Variants in NLGN1 observed in about 807,000 individuals in gnomAD.
The protein encoded by NLGN1 is neuroligin 1.
Under a neutral mutation model 65.5 loss-of-function variants are expected in NLGN1, and 12 were observed. The ratio of observed to expected loss-of-function variants is 0.18; its 90% CI spans 0.12 to 0.30. The LOEUF (loss-of-function observed/expected upper bound fraction) is 0.30, where lower values mean the gene tolerates loss of function less well. Among genes scored for constraint, NLGN1 ranks in the 10% least tolerant of loss-of-function variants. The pLI, the probability that NLGN1 is intolerant of heterozygous loss-of-function variation, is 1.00. For missense variants in NLGN1, 750 were observed against 1,007.1 expected (o/e 0.74, Z 3.46); for synonymous variants, 350 against 359.5 (o/e 0.97, Z 0.30).
At chr3:173,943,656 GGGA>G (rs1746563324) in intron 4 of NLGN1, among the ~76,000 whole-genome samples, 1 of 152,114 alleles carries the variant, frequency 6.6e-6, no homozygotes. Context: ...CTTGGTTCGT[GGGA>G]GGAGGGGTAG....
At chr3:174,085,809 C>T (rs1743117277) in intron 4 of NLGN1, among the ~76,000 whole-genome samples, 1 of 151,968 alleles carries the variant, frequency 6.6e-6, no homozygotes, top group Non-Finnish European at 1.5e-5. Context: ...ATAAGCTCCA[C>T]TTTTTTAAAT....
intron 2 of NLGN1, among the ~76,000 whole-genome samples, chr3:173,461,190 G>A (rs1723316771): frequency 6.6e-6 from 1 of 152,030 alleles, no homozygotes; most frequent in Admixed American, 6.6e-5. Flanking sequence ...TCCATGCATG[G>A]CCGAAATCCT....
At chr3:174,093,888 C>T (rs948431108) in intron 4 of NLGN1, among the ~76,000 whole-genome samples, 3 of 151,958 alleles carry the variant, frequency 2.0e-5, no homozygotes, top group Non-Finnish European at 2.9e-5. Context: ...CCTTTTTTTC[C>T]CTCTCTAATG....
chr3:174,121,972 A>G (rs1717870840), intron 4 of NLGN1, among the ~76,000 whole-genome samples: 1 of 152,160 alleles, frequency 6.6e-6, no homozygotes, highest in African/African-American at 2.4e-5. Flanking sequence ...CCTCTAATTT[A>G]CACCCACGCT....
At chr3:173,512,590 A>G (rs1285145078) in intron 2 of NLGN1, among the ~76,000 whole-genome samples, 1 of 152,156 alleles carries the variant, frequency 6.6e-6, no homozygotes, top group African/African-American at 2.4e-5. Flanking sequence ...GGTAGTTTTC[A>G]AAAAGGAAAC....
intron 3 of NLGN1, among the ~76,000 whole-genome samples, chr3:173,775,330 C>T (rs572892894): frequency 6.6e-6 from 1 of 152,180 alleles, no homozygotes; most frequent in African/African-American, 2.4e-5. Context: ...ATATATGCAT[C>T]TTCCTGTGTG....
intron 4 of NLGN1, among the ~76,000 whole-genome samples, chr3:174,252,146 T>C (rs1180602611): frequency 6.6e-6 from 1 of 152,040 alleles, no homozygotes; most frequent in Non-Finnish European, 1.5e-5. Flanking sequence ...GAAAAATTAA[T>C]AAAGGTATAT....
intron 4 of NLGN1, among the ~76,000 whole-genome samples, chr3:174,123,624 G>A (rs1039028902): frequency 1.4e-4 from 21 of 151,824 alleles, no homozygotes; most frequent in Non-Finnish European, 2.8e-4. Flanking sequence ...ATATATTCCC[G>A]CTTCCATTAC....
chr3:173,682,588 C>CAAAA (rs755337219), intron 3 of NLGN1, among the ~76,000 whole-genome samples: 4 of 41,390 alleles, frequency 9.7e-5, no homozygotes, highest in Non-Finnish European at 1.3e-4. Flanking sequence ...GACACTGTCT[C>CAAAA]AAAAAAAAAA....
At chr3:174,119,743 A>C (rs1365552376) in intron 4 of NLGN1, among the ~76,000 whole-genome samples, 1 of 152,290 alleles carries the variant, frequency 6.6e-6, no homozygotes, top group East Asian at 1.9e-4. Context: ...GATTTACCTC[A>C]ATCAGAATTT....
At position 173,985,532 on chromosome 3, in the gene NLGN1, T is replaced by C. The variant is rs77780419; in HGVS notation, c.646+177700T>C. ...CATTGAGTAAACAATACAAGGAATT[T>C]TAAAAGCTTCTCTTTGACCATCACT... On this transcript the variant is annotated intron_variant, in intron 4 of 6. Transcript: ENST00000457714. Among the ~76,000 whole-genome samples the C allele has an allele frequency of 4.1e-3, 626 of 152,314 alleles. 1 individual carries two copies. Among genetic ancestry groups the C allele is most frequent in the Non-Finnish European group, 5.2e-3 (354 of 68,030 alleles).
chr3:173,419,076 T>TTAG (rs1312723932), intron 1 of NLGN1, among the ~76,000 whole-genome samples: 1 of 144,620 alleles, frequency 6.9e-6, no homozygotes, highest in Non-Finnish European at 1.5e-5. Context: ...ATCATTAGTG[T>TTAG]TAGTATATGT....
At chr3:173,701,839 T>A (rs1408752640) in intron 3 of NLGN1, among the ~76,000 whole-genome samples, 1 of 152,138 alleles carries the variant, frequency 6.6e-6, no homozygotes, top group African/African-American at 2.4e-5. Flanking sequence ...GTGATAGAGA[T>A]GAGATGAATT....
At chr3:173,747,791 T>A (rs1289369076) in intron 3 of NLGN1, among the ~76,000 whole-genome samples, 1 of 138,586 alleles carries the variant, frequency 7.2e-6, no homozygotes, top group Non-Finnish European at 1.5e-5. Flanking sequence ...TCTTTCTTCT[T>A]CTTCTTGTTC....
intron 3 of NLGN1, among the ~76,000 whole-genome samples, chr3:173,706,126 TC>T (rs1768008550): frequency 6.6e-6 from 1 of 152,150 alleles, no homozygotes; most frequent in Admixed American, 6.5e-5. Flanking sequence ...GCATGAGAGT[TC>T]CTTGTAGACC....
At chr3:174,146,960 T>C (rs1442882730) in intron 4 of NLGN1, among the ~76,000 whole-genome samples, 1 of 152,188 alleles carries the variant, frequency 6.6e-6, no homozygotes, top group Non-Finnish European at 1.5e-5. Flanking sequence ...AAAACAGGTT[T>C]AAGAGAAGAA....
At chr3:173,678,269 G>C (rs1763445297) in intron 3 of NLGN1, among the ~76,000 whole-genome samples, 1 of 152,072 alleles carries the variant, frequency 6.6e-6, no homozygotes, top group Non-Finnish European at 1.5e-5. Context: ...AGACTAAGAT[G>C]AATATGGCAT....
intron 3 of NLGN1, among the ~76,000 whole-genome samples, chr3:173,701,186 C>T (rs556913656): frequency 6.7e-4 from 102 of 152,198 alleles, no homozygotes; most frequent in African/African-American, 2.4e-3. Flanking sequence ...CTGAAGCATA[C>T]AGGCAGAATA....
intron 3 of NLGN1, among the ~76,000 whole-genome samples, chr3:173,638,388 GA>G (rs34003190): frequency 0.53 from 77,600 of 145,772 alleles, 22,023 homozygotes; most frequent in East Asian, 0.69. Flanking sequence ...ATTATAAAAT[GA>G]AAAAAAAAAA....
Sources: gnomAD v4.1 joint callset for allele counts (sites outside exome capture counted in the v4.1 genomes callset) on GRCh38, gnomAD v4.1.1 for gene constraint, MANE v1.5 for transcripts, NCBI Gene and HGNC (gene_info 2026-07-23, HGNC 2026-07-21) for gene names.